The following SH2B2 variants were observed in gnomAD, a reference collection of about 807,000 sequenced individuals.
The protein encoded by SH2B2 is SH2B adapter protein 2.
SH2B2 carries 37 observed loss-of-function variants against 35.7 expected under a neutral mutation model. That is an observed-to-expected ratio of 1.04 (90% CI 0.80 to 1.36). SH2B2 has a LOEUF of 1.36. SH2B2 is among the 40% of genes most tolerant of loss of function. The pLI is 0.00. For synonymous variants in SH2B2, 383 were observed against 376.4 expected (o/e 1.02, Z -0.20); for missense variants, 852 against 817.7 (o/e 1.04, Z -0.51).
At chr7:102,285,948 C>T (rs1309206325), upstream of SH2B2, among the ~76,000 whole-genome samples, 2 of 152,240 alleles carry the variant, frequency 1.3e-5, no homozygotes, top group East Asian at 3.9e-4. Context: ...TGCTGAGCCC[C>T]CTGCACCTCT....
chr7:102,309,732 G>A (rs1465381405), intron 4 of SH2B2: 1 of 157,662 alleles, frequency 6.3e-6, no homozygotes, highest in Non-Finnish European at 1.4e-5. Context: ...CTGGGCTCAG[G>A]TCAGGGAAGA....
At chr7:102,298,260 T>G (rs1793000702) in intron 1 of SH2B2, among the ~76,000 whole-genome samples, 1 of 152,118 alleles carries the variant, frequency 6.6e-6, no homozygotes, top group Admixed American at 6.6e-5. Context: ...GGTTTTGGGT[T>G]TTTGTTTTTG....
In SH2B2 at chr7:102,321,570, G is replaced by GC; in HGVS notation, c.1844dup (p.Glu616GlyfsTer?). 5 of 1,157,266 alleles carry GC rather than the reference G, an allele frequency of 4.3e-6. No homozygotes were observed. The highest frequency in any genetic ancestry group is 5.3e-6 in the Non-Finnish European group (5 of 941,488). 71.7% of individuals were successfully genotyped at this position (1,157,266 alleles called of 1,614,324 possible). A position where few individuals can be genotyped will look rare whatever the true frequency, so the allele number is the denominator to read the frequency against. On this transcript the variant is annotated frameshift_variant, in exon 9 of 9. Coordinates refer to ENST00000444095, the MANE Select transcript of SH2B2 (RefSeq NM_001359228.2). LOFTEE classifies it high-confidence loss of function. Reference sequence around the variant, plus strand: ...CCGTGGCCGCCACCGCCGCCGAGGAGCCCCCGGAGGCCGCGCCCGGCCGCG... The same window carrying GC: ...CCGTGGCCGCCACCGCCGCCGAGGAGCCCCCCGGAGGCCGCGCCCGGCCGCG...
chr7:102,305,422 CGCCTG>C (rs1554554651), intron 2 of SH2B2, among the ~76,000 whole-genome samples: 1 of 152,000 alleles, frequency 6.6e-6, no homozygotes, highest in African/African-American at 2.4e-5. Context: ...CGCACCACCA[CGCCTG>C]GCTAATTTTT....
intron 4 of SH2B2, among the ~76,000 whole-genome samples, 189 bp from the exon 5 acceptor site, chr7:102,314,147 A>G: frequency 1.3e-5 from 2 of 152,290 alleles, no homozygotes; most frequent in South Asian, 4.1e-4. Flanking sequence ...GGCCTGGTCA[A>G]TCACACGGTG....
chr7:102,289,651 A>C (rs1419725852), intron 1 of SH2B2, among the ~76,000 whole-genome samples: 1 of 152,116 alleles, frequency 6.6e-6, no homozygotes, highest in Non-Finnish European at 1.5e-5. Flanking sequence ...CAGAGGTCTC[A>C]GGAGGCACTG....
At position 102,300,698 on chromosome 7, in the gene SH2B2, C is replaced by A. The variant is rs782037937; in HGVS notation, c.148C>A (p.Pro50Thr). 6.5e-7 allele frequency: 1 copy of A among 1,544,940 alleles called. No individual in the cohort carries two copies. Among genetic ancestry groups the A allele is most frequent in the South Asian group, 1.2e-5 (1 of 83,690 alleles). Residue 50 changes from proline (P) to threonine (T), a missense_variant, in exon 2 of 9, where the codon CCA becomes ACA. Physicochemically the swap from Pro to Thr is conservative, Grantham distance 38 (BLOSUM62 -1). This residue lies in a region of SH2B2 where 294 missense variants were observed against 286.6 expected (regional missense o/e 1.03). Transcript: ENST00000444095. ...HKFCRFLRDN[P>T]AYDTPDAGAS... ...GTTCTGCCGTTTCCTGCGGGACAAC[C>A]CAGCTTACGACACGCCCGACGCCGG... is the stretch of plus-strand genomic sequence containing the variant.
At chr7:102,320,231 C>A in intron 7 of SH2B2, 100 bp from the exon 8 acceptor site, 1 of 1,013,770 alleles carries the variant, frequency 9.9e-7, no homozygotes, top group Non-Finnish European at 1.5e-6. Context: ...CAGCCCCATA[C>A]AGCCCCTGTG....
At chr7:102,305,880 CTT>C (rs1189058736) in intron 2 of SH2B2, among the ~76,000 whole-genome samples, 2 of 126,266 alleles carry the variant, frequency 1.6e-5, no homozygotes, top group Admixed American at 8.2e-5. Flanking sequence ...GGAGGAGGTC[CTT>C]TTTTTTTTTT....
At chr7:102,319,398 A>AT (rs1388596452) in intron 7 of SH2B2, among the ~76,000 whole-genome samples, 1 of 151,906 alleles carries the variant, frequency 6.6e-6, no homozygotes, top group Non-Finnish European at 1.5e-5. Flanking sequence ...GATTGTCTGT[A>AT]TTTTTTTGTT....
At position 102,297,996 on chromosome 7, in the gene SH2B2, G is replaced by A. The variant is rs1036486370; in HGVS notation, c.-29-2526G>A. 7.2e-5 allele frequency among the ~76,000 whole-genome samples: 11 copies of A among 152,158 alleles called. No individual in the cohort carries two copies. The highest frequency in any genetic ancestry group is 1.5e-4 in the Non-Finnish European group (10 of 68,034). On this transcript the variant is annotated intron_variant, in intron 1 of 8. Transcript: ENST00000444095. The surrounding 1 kb of genome is among the most constrained non-coding windows in gnomAD (Gnocchi z 4.3). ...TGAGCAGAAACCTGAAGAAGGTGAGGGAATGTGGAGGAAAGAGCATTCCAG... is the reference window on the plus strand; with the variant it reads ...TGAGCAGAAACCTGAAGAAGGTGAGAGAATGTGGAGGAAAGAGCATTCCAG...
At chr7:102,285,350 G>A (rs914189871), upstream of SH2B2, 8 of 908,090 alleles carry the variant, frequency 8.8e-6, no homozygotes, top group East Asian at 5.3e-5. Flanking sequence ...TCCCACTCTC[G>A]GGCACCCCCT....
Position 102,306,958 on chromosome 7 carries a change from G to C in SH2B2, c.831+136G>C, listed in dbSNP as rs1174478627. The C allele has an allele frequency of 5.8e-5, 40 of 695,486 alleles. No individual in the cohort carries two copies. The Admixed American group carries it at 8.7e-4, about 15-fold the overall frequency. 43.1% of individuals were successfully genotyped at this position (695,486 alleles called of 1,614,324 possible). A position where few individuals can be genotyped will look rare whatever the true frequency, so the allele number is the denominator to read the frequency against. ...TAGTGGGAGGGAGCCCTGGTGTGGG[G>C]GGTTCCCAGACCCTATGACAGATGC... On this transcript the variant is annotated intron_variant, in intron 3 of 8. Transcript: ENST00000444095.
At chr7:102,285,266 C>T (rs1554550661), upstream of SH2B2, 3 of 1,544,560 alleles carry the variant, frequency 1.9e-6, no homozygotes, top group African/African-American at 4.1e-5. Context: ...CAGGTTAGTC[C>T]ACCGCGGGTC....
intron 4 of SH2B2, 50 bp from the exon 5 acceptor site, chr7:102,314,286 C>G (rs1370894073): frequency 2.5e-6 from 1 of 398,432 alleles, no homozygotes; most frequent in African/African-American, 2.1e-5. Context: ...GCCTGTGGTC[C>G]GAGTCCAAGT....
chr7:102,286,861 GA>G (rs1190387389), upstream of SH2B2: 131,252 of 131,478 alleles, frequency 1, 65,515 homozygotes, highest in Admixed American at 1. Flanking sequence ...CTCGCGGGCG[GA>G]GGGGCGCGCC....
intron 4 of SH2B2, among the ~76,000 whole-genome samples, chr7:102,313,286 A>AC (rs1793694984): frequency 6.6e-6 from 1 of 151,696 alleles, no homozygotes; most frequent in Non-Finnish European, 1.5e-5. Flanking sequence ...AAAATACAAA[A>AC]AAAAAAAAAA....
At position 102,301,169 on chromosome 7, in the gene SH2B2, G is replaced by A. The variant is rs782727535; in HGVS notation, c.619G>A (p.Asp207Asn). ...GGCGCTGCGCTTCATGGTGGCCGAC[G>A]ACGCGGCCGCGGGCTCCGGGGGCTC... is the stretch of plus-strand genomic sequence containing the variant. ...EGALRFMVADDAAAGSGGSAQ... is the reference protein window; with the variant it reads ...EGALRFMVADNAAAGSGGSAQ... Residue 207 changes from aspartate (D) to asparagine (N), a missense_variant, in exon 2 of 9, where the codon GAC (aspartate) becomes AAC (asparagine). By Grantham distance (23) the Asp-to-Asn change is conservative (BLOSUM62 1). Coordinates refer to ENST00000444095, the MANE Select transcript of SH2B2 (RefSeq NM_001359228.2). 1.1e-5 allele frequency: 18 copies of A among 1,572,402 alleles called. No homozygotes were observed. Among genetic ancestry groups the A allele is most frequent in the Non-Finnish European group, 1.5e-5 (17 of 1,162,470 alleles).
At chr7:102,311,915 A>G (rs1554556152) in intron 4 of SH2B2, among the ~76,000 whole-genome samples, 2 of 151,360 alleles carry the variant, frequency 1.3e-5, no homozygotes. Context: ...CATCTCTACT[A>G]AAAATGCAAA....
Sources: allele counts gnomAD v4.1 joint callset (sites outside exome capture counted in the v4.1 genomes callset), GRCh38; gene constraint gnomAD v4.1.1; regional missense constraint gnomAD v4.1.1; non-coding constraint Gnocchi (gnomAD v3.1); transcripts MANE v1.5; gene names NCBI Gene and HGNC (gene_info 2026-07-23, HGNC 2026-07-21).